RCC2: variants seen among roughly 807,000 people sequenced by gnomAD.
The protein encoded by RCC2 is protein RCC2.
Under a neutral mutation model 64.1 loss-of-function variants are expected in RCC2, and 19 were observed. The observed-to-expected ratio is 0.30, with a 90% CI of 0.21 to 0.44. RCC2 has a LOEUF of 0.44. Among genes scored for constraint, RCC2 ranks in the 20% least tolerant of loss-of-function variants. The pLI is 1.00. For synonymous variants in RCC2, 325 were observed against 279.6 expected (o/e 1.16, Z -1.62); for missense variants, 508 against 710.4 (o/e 0.72, Z 3.24).
chr1:17,428,260 C>T (rs2075638721), intron 3 of RCC2, among the ~76,000 whole-genome samples: 1 of 152,230 alleles, frequency 6.6e-6, no homozygotes, highest in African/African-American at 2.4e-5. Context: ...GGAGGTGCTT[C>T]CCTGGGACAA....
intron 6 of RCC2, 117 bp from the exon 7 acceptor site, chr1:17,420,945 A>G: frequency 1.5e-6 from 1 of 680,226 alleles, no homozygotes; most frequent in Non-Finnish European, 2.5e-6. Context: ...TAATAAACTC[A>G]GTAATTCTGA....
rs551061213 is a variant in RCC2 at position 17,421,314 on chromosome 1, G to A, written c.745-486C>T. 6.8e-4 allele frequency among the ~76,000 whole-genome samples: 103 copies of A among 152,180 alleles called. 1 individual carries two copies. The South Asian group carries it at 0.017, about 25-fold the overall frequency. On this transcript the variant is annotated intron_variant, in intron 6 of 12. Transcript: ENST00000375436. ...GATGGAGACCATCCTGGCCAACATG[G>A]TGAAACCCCATCTCTACTAAAAATA... is the stretch of plus-strand genomic sequence containing the variant.
intron 7 of RCC2, among the ~76,000 whole-genome samples, chr1:17,419,879 G>A (rs1408994711): frequency 3.3e-5 from 5 of 152,230 alleles, no homozygotes; most frequent in Non-Finnish European, 5.9e-5. Context: ...GTGCGTAAGG[G>A]GCTGTTCTCT....
chr1:17,437,807 G>A (rs995102485), intron 2 of RCC2, among the ~76,000 whole-genome samples: 2 of 145,602 alleles, frequency 1.4e-5, no homozygotes, highest in Non-Finnish European at 3.1e-5. Context: ...CCCGGGCGCA[G>A]CGGCGGCCAC....
intron 3 of RCC2, among the ~76,000 whole-genome samples, chr1:17,427,607 G>A (rs1200118131): frequency 2.6e-5 from 4 of 152,084 alleles, no homozygotes; most frequent in African/African-American, 7.2e-5. Flanking sequence ...GTATCATCAC[G>A]ACCCTGTGCC....
At chr1:17,428,140 A>G (rs951917921) in intron 3 of RCC2, among the ~76,000 whole-genome samples, 1 of 152,194 alleles carries the variant, frequency 6.6e-6, no homozygotes, top group South Asian at 2.1e-4. Context: ...TGTATCTTCA[A>G]TGTCAACTGG....
chr1:17,432,790 G>A (rs957685528), intron 2 of RCC2, among the ~76,000 whole-genome samples: 6 of 152,076 alleles, frequency 3.9e-5, no homozygotes, highest in Non-Finnish European at 8.8e-5. Flanking sequence ...ACCCAACCAC[G>A]CCAATAAAAA....
chr1:17,413,046 A>G, intron 10 of RCC2, 27 bp downstream of exon 10: 3 of 1,542,054 alleles, frequency 1.9e-6, no homozygotes, highest in Non-Finnish European at 2.7e-6. Flanking sequence ...AAGAGACCTC[A>G]TACCCACAGG....
intron 1 of RCC2, 147 bp from the exon 2 acceptor site, chr1:17,438,669 T>G (rs1233484930): frequency 3.9e-6 from 3 of 766,664 alleles, no homozygotes; most frequent in Non-Finnish European, 5.3e-6. Context: ...AGGGGGCGAG[T>G]TGGGAGAGGA....
chr1:17,423,198 C>T (rs996182618), intron 4 of RCC2, among the ~76,000 whole-genome samples: 18 of 152,178 alleles, frequency 1.2e-4, no homozygotes, highest in Non-Finnish European at 5.9e-5. Context: ...AGACAACCAC[C>T]CCGTCCCTAC....
chr1:17,413,523 C>A lies in RCC2; in HGVS notation c.1207+14G>T, dbSNP rs3764766. ...ACCAGAGCACTGATAAGCCAGGGGGCAGAAATCACTAACCCACTTCACTGA... is the reference window on the plus strand; with the variant it reads ...ACCAGAGCACTGATAAGCCAGGGGGAAGAAATCACTAACCCACTTCACTGA... On this transcript the variant is annotated intron_variant, in intron 9 of 12. Transcript: ENST00000375436. The A allele has an allele frequency of 7.6e-5, 123 of 1,613,328 alleles. No homozygotes were observed. The highest frequency in any genetic ancestry group is 9.6e-5 in the Non-Finnish European group (113 of 1,179,456).
chr1:17,437,387 TAAAG>T (rs759165699), intron 2 of RCC2, among the ~76,000 whole-genome samples: 2 of 151,394 alleles, frequency 1.3e-5, no homozygotes, highest in African/African-American at 2.4e-5. Context: ...ACACCAAACT[TAAAG>T]AAAGTTCTGT....
At chr1:17,432,957 TAAA>T (rs1385740642) in intron 2 of RCC2, among the ~76,000 whole-genome samples, 4 of 150,276 alleles carry the variant, frequency 2.7e-5, no homozygotes, top group African/African-American at 9.8e-5. Flanking sequence ...GACTCCATCT[TAAA>T]AAAAGAAAAA....
At chr1:17,424,546 T>C (rs2075591937) in intron 4 of RCC2, among the ~76,000 whole-genome samples, 1 of 152,120 alleles carries the variant, frequency 6.6e-6, no homozygotes, top group Non-Finnish European at 1.5e-5. Flanking sequence ...AAGTATAAAT[T>C]TGGGCCAGAC....
intron 2 of RCC2, among the ~76,000 whole-genome samples, chr1:17,433,190 T>A (rs2075701326): frequency 6.6e-6 from 1 of 152,216 alleles, no homozygotes; most frequent in Admixed American, 6.5e-5. Flanking sequence ...TCCTCACACA[T>A]TAGATGGAGG....
chr1:17,434,851 G>A lies in RCC2; in HGVS notation c.285+3379C>T, dbSNP rs1013153132. On this transcript the variant is annotated intron_variant, in intron 2 of 12. Coordinates refer to ENST00000375436, the MANE Select transcript of RCC2 (RefSeq NM_018715.4). Reference sequence around the variant, plus strand: ...TGGGAGGCGGGGCGTGGTGGCTCACGCCTGTAATCGCAGCACTTTGGGAGG... The same window carrying A: ...TGGGAGGCGGGGCGTGGTGGCTCACACCTGTAATCGCAGCACTTTGGGAGG... Among the ~76,000 whole-genome samples the A allele has an allele frequency of 2.0e-5, 3 of 152,174 alleles. No individual in the cohort carries two copies. The South Asian group carries it at 6.2e-4, about 31-fold the overall frequency.
At chr1:17,436,166 AC>A (rs1224116309) in intron 2 of RCC2, among the ~76,000 whole-genome samples, 2 of 152,188 alleles carry the variant, frequency 1.3e-5, no homozygotes, top group Non-Finnish European at 2.9e-5. Flanking sequence ...ATAAACAGGA[AC>A]TTAAAAGCTG....
rs1557618441 is a variant in RCC2 at position 17,409,055 on chromosome 1, CGA to C, written c.*33_*34del. ...GTGCACATGGAAATGACAGCTGCCGCGAGAGGTGTGGAGTCGGAGGAGTCTCC... is the reference window on the plus strand; with the variant it reads ...GTGCACATGGAAATGACAGCTGCCGCGAGGTGTGGAGTCGGAGGAGTCTCC... On this transcript the variant is annotated 3_prime_UTR_variant, in exon 13 of 13. Coordinates refer to ENST00000375436, the MANE Select transcript of RCC2 (RefSeq NM_018715.4). 7.0e-7 allele frequency: 1 copy of C among 1,430,706 alleles called. No homozygotes were observed. Among genetic ancestry groups the C allele is most frequent in the Non-Finnish European group, 9.9e-7 (1 of 1,012,762 alleles). 88.6% of individuals were successfully genotyped at this position (1,430,706 alleles called of 1,614,324 possible). A position where few individuals can be genotyped will look rare whatever the true frequency, so the allele number is the denominator to read the frequency against.
In RCC2 at chr1:17,408,525, G is replaced by GA. The variant is rs2075389564; in HGVS notation, c.*564dup. Reference sequence around the variant, plus strand: ...GTGGGCGTACAGGCAGCCAAGGGGAGAAACAGAACCGACACCGGCCTAGGC... The same window carrying GA: ...GTGGGCGTACAGGCAGCCAAGGGGAGAAAACAGAACCGACACCGGCCTAGGC... On this transcript the variant is annotated 3_prime_UTR_variant, in exon 13 of 13. Transcript: ENST00000375436. 1.3e-5 allele frequency: 2 copies of GA among 153,138 alleles called. No individual in the cohort carries two copies. The highest frequency in any genetic ancestry group is 1.3e-4 in the Admixed American group (2 of 15,374). 9.5% of individuals were successfully genotyped at this position (153,138 alleles called of 1,614,324 possible).
Sources: allele counts gnomAD v4.1 joint callset (sites outside exome capture counted in the v4.1 genomes callset), GRCh38; gene constraint gnomAD v4.1.1; transcripts MANE v1.5; gene names NCBI Gene and HGNC (gene_info 2026-07-23, HGNC 2026-07-21).